KIF1A: variants seen among roughly 807,000 people sequenced by gnomAD.
KIF1A encodes the protein kinesin-like protein KIF1A.
Under a neutral mutation model 227.3 loss-of-function variants are expected in KIF1A, and 46 were observed. The ratio of observed to expected loss-of-function variants is 0.20; its 90% CI spans 0.16 to 0.26. The LOEUF (loss-of-function observed/expected upper bound fraction) is 0.26, where lower values mean the gene tolerates loss of function less well. KIF1A is among the 10% of genes least tolerant of loss of function. The pLI, the probability that KIF1A is intolerant of heterozygous loss-of-function variation, is 1.00. For missense variants in KIF1A, 1,683 were observed against 2,485.9 expected (o/e 0.68, Z 6.87); for synonymous variants, 1,022 against 1,012.8 (o/e 1.01, Z -0.17).
rs1477828753 is a variant in KIF1A at position 240,727,000 on chromosome 2, C to T, written c.4008-60G>A. On this transcript the variant is annotated intron_variant, in intron 38 of 48. Transcript: ENST00000498729. The surrounding 1 kb of genome is among the most constrained non-coding windows in gnomAD (Gnocchi z 5.2). ...GCGTGGGGGCTGCTTTCAGCCAGGCCGGGGACATGCAGACAGACAGAGCGA... is the reference window on the plus strand; with the variant it reads ...GCGTGGGGGCTGCTTTCAGCCAGGCTGGGGACATGCAGACAGACAGAGCGA... 3.1e-5 allele frequency: 31 copies of T among 1,016,098 alleles called. 1 individual carries two copies. The South Asian group carries it at 4.1e-4, about 14-fold the overall frequency. The allele number at this position is 1,016,098 out of a possible 1,614,324, so 62.9% of individuals were successfully genotyped here. A position where few individuals can be genotyped will look rare whatever the true frequency, so the allele number is the denominator to read the frequency against.
intron 25 of KIF1A, among the ~76,000 whole-genome samples, chr2:240,760,158 AC>A (rs2050341816): frequency 6.6e-6 from 1 of 152,100 alleles, no homozygotes; most frequent in South Asian, 2.1e-4. Context: ...CACCACCCCC[AC>A]CTCAGCTCCT....
In KIF1A at chr2:240,739,842, T is replaced by A. The variant is rs1009323594; in HGVS notation, c.3901+216A>T. On this transcript the variant is annotated intron_variant, in intron 37 of 48. Transcript: ENST00000498729. This position sits in a 1 kb window ranked among gnomAD's most constrained non-coding sequence, Gnocchi z 5.6. ...TGTCATGGCAGCCCCAGAACTCCAA[T>A]ACACTGATTAAACAGAAATTTGCAG... Among the ~76,000 whole-genome samples, 3 of 152,146 alleles carry A rather than the reference T, an allele frequency of 2.0e-5. No individual in the cohort carries two copies. Among genetic ancestry groups the A allele is most frequent in the Non-Finnish European group, 4.4e-5 (3 of 68,036 alleles).
rs1407757292 is a variant in KIF1A at position 240,758,343 on chromosome 2, A to C, written c.2582+17T>G. ...TCTCAATCTCTCTCTCTGCCAAGGA[A>C]GGGAGGAGGCGCCCACCTGCCCACC... On this transcript the variant is annotated intron_variant, in intron 26 of 48. Coordinates refer to ENST00000498729, the MANE Select transcript of KIF1A (RefSeq NM_001244008.2). The surrounding 1 kb of genome is among the most constrained non-coding windows in gnomAD (Gnocchi z 5.2). 3 of 1,605,288 alleles carry C rather than the reference A, an allele frequency of 1.9e-6. No homozygotes were observed. The African/African-American group carries it at 4.0e-5, about 21-fold the overall frequency.
intron 38 of KIF1A, among the ~76,000 whole-genome samples, chr2:240,735,833 C>G (rs954990530): frequency 2.0e-5 from 3 of 152,156 alleles, no homozygotes; most frequent in East Asian, 1.9e-4. Flanking sequence ...GTGCTCCCCC[C>G]TCATGGCACC....
chr2:240,736,997 T>G lies in KIF1A; in HGVS notation c.4007+66A>C. On this transcript the variant is annotated intron_variant, in intron 38 of 48. Transcript: ENST00000498729. This position sits in a 1 kb window ranked among gnomAD's most constrained non-coding sequence, Gnocchi z 4.7. ...TTGTGTGGCTGAACCCTGTGCCGGG[T>G]TGGCTGAGGGCCTGGCAGGCTGGGA... 1 of 1,324,578 alleles carries G rather than the reference T, an allele frequency of 7.5e-7. No homozygotes were observed. Among genetic ancestry groups the G allele is most frequent in the Non-Finnish European group, 1.1e-6 (1 of 920,082 alleles). The allele number at this position is 1,324,578 out of a possible 1,614,324, so 82.1% of individuals were successfully genotyped here.
chr2:240,765,637 CT>C, intron 20 of KIF1A, 72 bp downstream of exon 20: 1 of 1,241,884 alleles, frequency 8.1e-7, no homozygotes, highest in South Asian at 1.2e-5. Context: ...GAGGCGGTGG[CT>C]TGGACATGGG....
In KIF1A at chr2:240,721,072, G is replaced by A. The variant is rs202149650; in HGVS notation, c.4744-34C>T. The stretch of plus-strand genomic sequence containing the variant: ...GAGAGGCCTTTTTCAGGGGACACAG[G>A]GAAGGGGGGTCTCCGGCCTCTGTGG... On this transcript the variant is annotated intron_variant, in intron 44 of 48. Coordinates refer to ENST00000498729, the MANE Select transcript of KIF1A (RefSeq NM_001244008.2). 12 of 1,609,586 alleles carry A rather than the reference G, an allele frequency of 7.5e-6. No individual in the cohort carries two copies. In the Admixed American group the frequency reaches 2.0e-4, roughly 27 times the overall value.
chr2:240,732,156 A>AGGGGAGGAGGGAGTGGGAGGGG (rs2046756899), intron 38 of KIF1A, among the ~76,000 whole-genome samples: 1 of 36,502 alleles, frequency 2.7e-5, no homozygotes, highest in Non-Finnish European at 5.1e-5. Flanking sequence ...ATTGGGGAGG[A>AGGGGAGGAGGGAGTGGGAGGGG]GGGGAGGAGA....
chr2:240,815,922 A>G (rs1292211690), intron 1 of KIF1A, among the ~76,000 whole-genome samples: 1 of 152,094 alleles, frequency 6.6e-6, no homozygotes, highest in Non-Finnish European at 1.5e-5. Context: ...GGATAAAGGG[A>G]AGCACATGAG....
chr2:240,718,765 C>A (rs1222037876), intron 47 of KIF1A, among the ~76,000 whole-genome samples: 1 of 152,234 alleles, frequency 6.6e-6, no homozygotes, highest in Non-Finnish European at 1.5e-5. Context: ...TTGCCCTGAC[C>A]GGAGTCCATC....
At chr2:240,777,306 A>G (rs1218043265) in intron 10 of KIF1A, among the ~76,000 whole-genome samples, 1 of 152,096 alleles carries the variant, frequency 6.6e-6, no homozygotes, top group Non-Finnish European at 1.5e-5. Flanking sequence ...GGGCTCCCAA[A>G]GTGCTGGGAT....
Position 240,725,328 on chromosome 2 carries a change from G to C in KIF1A, c.4199C>G (p.Pro1400Arg), listed in dbSNP as rs781007473. The C allele has an allele frequency of 1.2e-6, 2 of 1,611,540 alleles. No homozygotes were observed. The highest frequency in any genetic ancestry group is 2.2e-5 in the South Asian group (2 of 90,816). The change falls in exon 40 of 49, where the codon CCA becomes CGA. Residue 1400 changes from proline (P) to arginine (R), a missense_variant. By Grantham distance (103) the Pro-to-Arg change is moderately radical (BLOSUM62 -2). Around this residue, in one of 12 missense-constraint regions of KIF1A, gnomAD observed 759 missense variants for 1,020.2 expected, o/e 0.74. Transcript: ENST00000498729. This position sits in a 1 kb window ranked among gnomAD's most constrained non-coding sequence, Gnocchi z 5.8. ...MVFYSRDAKLPASRSIRNLFG... is the reference protein window; with the variant it reads ...MVFYSRDAKLRASRSIRNLFG... ...GAGGTTGCGGATGGAGCGCGAGGCT[G>C]GCAGCTTGGCATCACGGGAATAGAA...
rs1023346692 is a variant in KIF1A, at chr2:240,744,424, A to T, written c.3466-364T>A. Among the ~76,000 whole-genome samples the T allele has an allele frequency of 3.3e-5, 5 of 152,344 alleles. 1 individual carries two copies. The highest frequency in any genetic ancestry group is 1.3e-4 in the Admixed American group (2 of 15,308). On this transcript the variant is annotated intron_variant, in intron 32 of 48. Coordinates refer to ENST00000498729, the MANE Select transcript of KIF1A (RefSeq NM_001244008.2). ...CTCAGCAAGAGTTATGGGTTGGACCATGTCCCCTCACCAAATTCGTATGTT... is the reference window on the plus strand; with the variant it reads ...CTCAGCAAGAGTTATGGGTTGGACCTTGTCCCCTCACCAAATTCGTATGTT...
chr2:240,758,954 A>G lies in KIF1A; in HGVS notation c.2445-457T>C, dbSNP rs2125878759. Among the ~76,000 whole-genome samples the G allele has an allele frequency of 6.6e-6, 1 of 152,300 alleles. No individual in the cohort carries two copies. The highest frequency in any genetic ancestry group is 3.4e-3 in the Middle Eastern group (1 of 294). ...TAGCCTACAAATTATTATTCCCAAGAAAAACTTAATGTAGGACAAAGGAAA... is the reference window on the plus strand; with the variant it reads ...TAGCCTACAAATTATTATTCCCAAGGAAAACTTAATGTAGGACAAAGGAAA... On this transcript the variant is annotated intron_variant, in intron 25 of 48. Coordinates refer to ENST00000498729, the MANE Select transcript of KIF1A (RefSeq NM_001244008.2). The surrounding 1 kb of genome is among the most constrained non-coding windows in gnomAD (Gnocchi z 5.2).
intron 10 of KIF1A, among the ~76,000 whole-genome samples, chr2:240,779,460 A>ACACTCAGTTCCT (rs1411131051): frequency 1.6e-5 from 2 of 126,958 alleles, no homozygotes; most frequent in East Asian, 2.3e-4. Flanking sequence ...TCATAGTTCC[A>ACACTCAGTTCCT]CACTCAGTTC....
chr2:240,805,072 C>CAGGGAGAGGGGAGGGAGAGGGG (rs1457691080), intron 1 of KIF1A, among the ~76,000 whole-genome samples: 1 of 18,720 alleles, frequency 5.3e-5, no homozygotes, highest in Admixed American at 5.1e-4. Flanking sequence ...AGGGAGAGGG[C>CAGGGAGAGGGGAGGGAGAGGGG]AGGGAGAGGG....
rs2048529357 is a variant in KIF1A at position 240,745,822 on chromosome 2, A to G, written c.3290T>C (p.Leu1097Pro). 6.2e-7 allele frequency: 1 copy of G among 1,612,950 alleles called. No individual in the cohort carries two copies. Among genetic ancestry groups the G allele is most frequent in the Non-Finnish European group, 8.5e-7 (1 of 1,179,684 alleles). ...PLDAALDHLRLGNTFTFRVTV... is the reference protein window; with the variant it reads ...PLDAALDHLRPGNTFTFRVTV... ...CACACGGAAGGTGAAGGTGTTGCCC[A>G]GGCGGAGGTGGTCCAGGGCAGCATC... Residue 1097 changes from leucine (L) to proline (P), a missense_variant, in exon 31 of 49, where the codon CTG becomes CCG. Physicochemically the swap from Leu to Pro is moderately conservative, Grantham distance 98 (BLOSUM62 -3). Transcript: ENST00000498729.
chr2:240,761,106 G>T, intron 24 of KIF1A, 123 bp downstream of exon 24: 1 of 1,220,624 alleles, frequency 8.2e-7, no homozygotes, highest in Non-Finnish European at 1.2e-6. Flanking sequence ...GTCAGGCAGG[G>T]CTGCTATGCC....
intron 2 of KIF1A, among the ~76,000 whole-genome samples, chr2:240,794,770 T>C (rs2056179225): frequency 6.6e-6 from 1 of 152,118 alleles, no homozygotes; most frequent in African/African-American, 2.4e-5. Flanking sequence ...GCGGCCTGGG[T>C]GCCTGTCCCT....
Sources: allele counts gnomAD v4.1 joint callset (sites outside exome capture counted in the v4.1 genomes callset), GRCh38; gene constraint gnomAD v4.1.1; regional missense constraint gnomAD v4.1.1; non-coding constraint Gnocchi (gnomAD v3.1); transcripts MANE v1.5; gene names NCBI Gene and HGNC (gene_info 2026-07-23, HGNC 2026-07-21).